The following POR variants were observed in gnomAD, a reference collection of about 807,000 sequenced individuals.
POR encodes cytochrome p450 oxidoreductase, also known as NADPH--cytochrome P450 reductase.
POR carries 56 observed loss-of-function variants against 84.0 expected under a neutral mutation model. The ratio of observed to expected loss-of-function variants is 0.67; its 90% CI spans 0.54 to 0.83. The LOEUF is 0.83. Ranked by LOEUF, POR falls within the 40% of genes least tolerant of loss-of-function variation. The pLI is 0.00. For synonymous variants in POR, 414 were observed against 400.5 expected (o/e 1.03, Z -0.40); for missense variants, 938 against 944.3 (o/e 0.99, Z 0.09).
At chr7:75,951,007 C>T (rs1203137514) in intron 1 of POR, among the ~76,000 whole-genome samples, 30 of 145,780 alleles carry the variant, frequency 2.1e-4, no homozygotes, top group African/African-American at 6.9e-4. Context: ...TGCAGTGAGC[C>T]GAGATCGCAC....
intron 2 of POR, among the ~76,000 whole-genome samples, chr7:75,964,277 G>A (rs1231902820): frequency 1.3e-5 from 2 of 152,084 alleles, no homozygotes; most frequent in Non-Finnish European, 2.9e-5. Context: ...TGGGATTACA[G>A]GCGTGAGCCA....
At chr7:75,969,495 C>T (rs373561652) in intron 2 of POR, among the ~76,000 whole-genome samples, 54 of 152,320 alleles carry the variant, frequency 3.5e-4, no homozygotes, top group East Asian at 1.9e-3. Context: ...CGGTGCCTGG[C>T]GCAGTGCCTC....
chr7:75,986,311 C>A (rs72557959), intron 15 of POR, 26 bp from the exon 16 acceptor site: 1 of 1,612,676 alleles, frequency 6.2e-7, no homozygotes, highest in South Asian at 1.1e-5. Flanking sequence ...TTGGCCCAGC[C>A]CCCAGCACCC....
chr7:75,918,154 A>C (rs1017902950), intron 1 of POR, among the ~76,000 whole-genome samples: 8 of 152,234 alleles, frequency 5.3e-5, no homozygotes, highest in Middle Eastern at 3.4e-3. Context: ...TAAAAATACA[A>C]AAATTAGCCG....
intron 3 of POR, among the ~76,000 whole-genome samples, chr7:75,973,834 C>T (rs1271417687): frequency 2.0e-5 from 3 of 151,810 alleles, no homozygotes; most frequent in East Asian, 1.9e-4. Flanking sequence ...CGCCTGCCAC[C>T]GTGCCTGGCT....
chr7:75,934,302 C>T (rs561535343), intron 1 of POR, among the ~76,000 whole-genome samples: 68 of 152,070 alleles, frequency 4.5e-4, no homozygotes, highest in African/African-American at 1.5e-3. Flanking sequence ...ATCCAGCTTC[C>T]ACCCGAGGCA....
chr7:75,986,370 C>A lies in POR; in HGVS notation c.1932C>A (p.Asn644Lys), dbSNP rs781793669. ...GGAACATGGCCAGGGATGTGCAGAACACCTTCTACGACATCGTGGCTGAGC... is the reference window on the plus strand; with the variant it reads ...GGAACATGGCCAGGGATGTGCAGAAAACCTTCTACGACATCGTGGCTGAGC... Residue 644 changes from asparagine to lysine, a missense_variant, in exon 16 of 16, where the codon AAC becomes AAA. Coordinates refer to ENST00000461988, the MANE Select transcript of POR (RefSeq NM_000941.3). 1.2e-5 allele frequency: 20 copies of A among 1,612,512 alleles called. No homozygotes were observed. The highest frequency in any genetic ancestry group is 1.6e-5 in the Non-Finnish European group (19 of 1,179,860).
chr7:75,985,024 C>CCAAT (rs1789334512), intron 11 of POR, 34 bp from the exon 12 acceptor site: 1 of 1,583,264 alleles, frequency 6.3e-7, no homozygotes, highest in Admixed American at 1.7e-5. Context: ...TCCGTGGGCC[C>CCAAT]CAATCAGCCC....
intron 1 of POR, chr7:75,922,731 T>C: frequency 5.1e-6 from 2 of 392,562 alleles, no homozygotes; most frequent in Non-Finnish European, 9.5e-6. Context: ...GTTGCGCATG[T>C]TCAGTAGCTG....
Position 75,985,912 on chromosome 7 carries a change from C to T in POR, c.1670-11C>T. On this transcript the variant is annotated splice_polypyrimidine_tract_variant and intron_variant, in intron 13 of 15. Coordinates refer to ENST00000461988, the MANE Select transcript of POR (RefSeq NM_000941.3). ...GGGAGCCCCGCGCTCACCCCGGCCC[C>T]TGCCACGCAGGCAAGGAGGTGGGGG... 1 of 1,575,162 alleles carries T rather than the reference C, an allele frequency of 6.3e-7. No individual in the cohort carries two copies. Among genetic ancestry groups the T allele is most frequent in the African/African-American group, 1.3e-5 (1 of 74,486 alleles).
chr7:75,920,643 T>C (rs1374731551), intron 1 of POR, among the ~76,000 whole-genome samples: 1 of 152,142 alleles, frequency 6.6e-6, no homozygotes, highest in Non-Finnish European at 1.5e-5. Flanking sequence ...ATGCCGGTGT[T>C]CTTAGAGCAC....
In POR at chr7:75,940,805, G is replaced by A. The variant is rs148760062; in HGVS notation, c.-4-13184G>A. On this transcript the variant is annotated intron_variant, in intron 1 of 15. Coordinates refer to ENST00000461988, the MANE Select transcript of POR (RefSeq NM_000941.3). The stretch of plus-strand genomic sequence containing the variant: ...TCTCAAAAAAGAAAAAAGAAAAAAC[G>A]TAGGCACTCTCATAATGGTGAGGGT... Among the ~76,000 whole-genome samples the A allele has an allele frequency of 1.8e-3, 266 of 151,910 alleles. 12 individuals are homozygous for A. In the South Asian group the frequency reaches 0.049, roughly 28 times the overall value.
intron 12 of POR, 109 bp downstream of exon 12, chr7:75,985,316 A>AG (rs1789365498): frequency 7.3e-7 from 1 of 1,369,492 alleles, no homozygotes; most frequent in African/African-American, 1.5e-5. Flanking sequence ...CCTGAGCTCC[A>AG]GTTCCAGCCC....
At chr7:75,922,675 G>T in intron 1 of POR, 1 of 273,062 alleles carries the variant, frequency 3.7e-6, no homozygotes, top group South Asian at 4.3e-5. Flanking sequence ...CTTTTGGTAG[G>T]ACTTTAGTTT....
intron 1 of POR, among the ~76,000 whole-genome samples, chr7:75,935,619 TTGTGTGTGTGTGTGTGTGTGTG>T (rs57899780): frequency 4.6e-5 from 6 of 131,286 alleles, no homozygotes; most frequent in Non-Finnish European, 6.6e-5. Context: ...TGCTCGGGGC[TTGTGTGTGTGTGTGTGTGTGTG>T]TGTGTGTGTG....
chr7:75,952,771 G>C (rs1787502430), intron 1 of POR, among the ~76,000 whole-genome samples: 1 of 151,852 alleles, frequency 6.6e-6, no homozygotes. Flanking sequence ...GATGGCGGTG[G>C]AGAAGAGGCG....
chr7:75,969,241 C>G (rs949193877), intron 2 of POR, among the ~76,000 whole-genome samples: 1 of 152,196 alleles, frequency 6.6e-6, no homozygotes, highest in Admixed American at 6.5e-5. Context: ...ACCAAGTTCC[C>G]CAGTCAGGCA....
chr7:75,928,712 A>G (rs1225144111), intron 1 of POR, among the ~76,000 whole-genome samples: 1 of 99,066 alleles, frequency 1.0e-5, no homozygotes, highest in Non-Finnish European at 1.8e-5. Context: ...ACTGCCCAGG[A>G]GGACTTTTTT....
chr7:75,985,599 C>T lies in POR; in HGVS notation c.1419C>T (p.His473=). The change falls in exon 13 of 16, where the codon CAC becomes CAT. Residue 473 remains histidine, a synonymous_variant. Coordinates refer to ENST00000461988, the MANE Select transcript of POR (RefSeq NM_000941.3). ...CACAGGTCCACCCCAACTCTGTGCACATCTGTGCGGTGGTTGTGGAGTACG... is the reference window on the plus strand; with the variant it reads ...CACAGGTCCACCCCAACTCTGTGCATATCTGTGCGGTGGTTGTGGAGTACG... 1 of 1,569,874 alleles carries T rather than the reference C, an allele frequency of 6.4e-7. No homozygotes were observed.
Sources: allele counts gnomAD v4.1 joint callset (sites outside exome capture counted in the v4.1 genomes callset), GRCh38; gene constraint gnomAD v4.1.1; transcripts MANE v1.5; gene names NCBI Gene and HGNC (gene_info 2026-07-23, HGNC 2026-07-21).